Variants in KCTD8 observed in about 807,000 individuals in gnomAD.
KCTD8 encodes potassium channel tetramerization domain containing 8, also known as BTB/POZ domain-containing protein KCTD8.
A neutral mutation model predicts 31.5 loss-of-function variants in KCTD8; 27 were observed. The observed-to-expected ratio is 0.86, with a 90% CI of 0.63 to 1.18. The LOEUF (loss-of-function observed/expected upper bound fraction) is 1.18, where lower values mean the gene tolerates loss of function less well. Ranked by LOEUF, KCTD8 falls within the 50% of genes most tolerant of loss-of-function variation. The probability of loss-of-function intolerance (pLI) is 0.00; values close to 1 mark genes in which losing one functional copy is unlikely to be tolerated. For missense variants in KCTD8, 658 were observed against 647.7 expected, an observed-to-expected ratio of 1.02 and a Z score of -0.17; for synonymous variants, 290 against 280.0, an observed-to-expected ratio of 1.04 and a Z score of -0.36.
At chr4:44,180,537 G>A (rs1713347967) in intron 1 of KCTD8, among the ~76,000 whole-genome samples, 1 of 151,214 alleles carries the variant, frequency 6.6e-6, no homozygotes, top group African/African-American at 2.4e-5. Context: ...CAGCTACCTA[G>A]GTCATGCCTC....
intron 1 of KCTD8, among the ~76,000 whole-genome samples, chr4:44,431,805 T>C (rs531593188): frequency 2.6e-5 from 4 of 151,714 alleles, no homozygotes; most frequent in Admixed American, 2.6e-4. Context: ...ATTACTGTAT[T>C]GATTCTGTTA....
At chr4:44,222,285 C>A (rs1227189439) in intron 1 of KCTD8, among the ~76,000 whole-genome samples, 1 of 152,120 alleles carries the variant, frequency 6.6e-6, no homozygotes, top group Non-Finnish European at 1.5e-5. Flanking sequence ...ATACATCAGC[C>A]AGACTGGCAG....
intron 1 of KCTD8, among the ~76,000 whole-genome samples, chr4:44,382,779 CT>C (rs1688683421): frequency 6.6e-6 from 1 of 150,956 alleles, no homozygotes; most frequent in Non-Finnish European, 1.5e-5. Flanking sequence ...ACTGTCATCA[CT>C]ATTGTTCAAT....
chr4:44,410,677 G>A (rs939272604), intron 1 of KCTD8, among the ~76,000 whole-genome samples: 2 of 152,104 alleles, frequency 1.3e-5, no homozygotes, highest in African/African-American at 2.4e-5. Context: ...CATGTCTTAT[G>A]TGGATGATGG....
rs188801365 is a variant in KCTD8 at position 44,363,915 on chromosome 4, T to C, written c.961+83648A>G. Among the ~76,000 whole-genome samples the C allele has an allele frequency of 1.3e-3, 193 of 152,160 alleles. 1 individual carries two copies. The highest frequency in any genetic ancestry group is 0.012 in the Admixed American group (178 of 15,258). On this transcript the variant is annotated intron_variant, in intron 1 of 1. Coordinates refer to ENST00000360029, the MANE Select transcript of KCTD8 (RefSeq NM_198353.3). ...AAAGAAAAATTAATTTAAACATAGATCTTATACCTTTAACCAAAAAATCAA... is the reference window on the plus strand; with the variant it reads ...AAAGAAAAATTAATTTAAACATAGACCTTATACCTTTAACCAAAAAATCAA...
chr4:44,421,789 T>C (rs1721218642), intron 1 of KCTD8, among the ~76,000 whole-genome samples: 1 of 152,112 alleles, frequency 6.6e-6, no homozygotes, highest in South Asian at 2.1e-4. Context: ...GCAACATCTG[T>C]TTCTGATGTT....
intron 1 of KCTD8, among the ~76,000 whole-genome samples, chr4:44,306,235 G>A (rs1717800355): frequency 6.6e-6 from 1 of 151,966 alleles, no homozygotes; most frequent in Non-Finnish European, 1.5e-5. Flanking sequence ...GTTAAAAAGA[G>A]ATAAATAAAT....
Position 44,204,241 on chromosome 4 carries a change from A to G in KCTD8, c.962-28991T>C, listed in dbSNP as rs113423605. ...GAAGTATCAGAAGTATTTCCATTTA[A>G]GGTAGGAGACCACCCCTCATATTGT... On this transcript the variant is annotated intron_variant, in intron 1 of 1. Transcript: ENST00000360029. Among the ~76,000 whole-genome samples, 1,372 of 152,290 alleles carry G rather than the reference A, an allele frequency of 9.0e-3. 20 individuals carry two copies. The highest frequency in any genetic ancestry group is 0.031 in the African/African-American group (1,285 of 41,550).
intron 1 of KCTD8, among the ~76,000 whole-genome samples, chr4:44,421,642 T>C (rs1721214545): frequency 6.6e-6 from 1 of 152,134 alleles, no homozygotes; most frequent in Non-Finnish European, 1.5e-5. Context: ...TATTAGGCTT[T>C]GGAGAGCCCT....
intron 1 of KCTD8, among the ~76,000 whole-genome samples, chr4:44,245,147 TA>T (rs779825894): frequency 2.6e-5 from 4 of 152,072 alleles, no homozygotes; most frequent in African/African-American, 4.8e-5. Flanking sequence ...TCAAAGTCTA[TA>T]AAACACATCC....
At chr4:44,423,935 C>T (rs1042795517) in intron 1 of KCTD8, among the ~76,000 whole-genome samples, 4 of 152,036 alleles carry the variant, frequency 2.6e-5, no homozygotes, top group Non-Finnish European at 4.4e-5. Context: ...AGACAGCTTA[C>T]ACATTTTCAG....
chr4:44,329,227 TTA>T (rs1486979254), intron 1 of KCTD8, among the ~76,000 whole-genome samples: 1 of 151,700 alleles, frequency 6.6e-6, no homozygotes. Context: ...TCTGTTATAT[TTA>T]AAACATGCTG....
At chr4:44,342,144 G>A (rs1718917930) in intron 1 of KCTD8, among the ~76,000 whole-genome samples, 1 of 152,096 alleles carries the variant, frequency 6.6e-6, no homozygotes, top group African/African-American at 2.4e-5. Context: ...GGCCAAGGCA[G>A]GCAGATCACA....
intron 1 of KCTD8, 128 bp from the exon 2 acceptor site, chr4:44,175,378 T>A: frequency 1.7e-6 from 1 of 592,982 alleles, no homozygotes; most frequent in Non-Finnish European, 2.8e-6. Context: ...ATGGTGCATA[T>A]TGTACTAGTC....
chr4:44,235,562 TATATATATATATA>T (rs1560402091), intron 1 of KCTD8, among the ~76,000 whole-genome samples: 85 of 52,986 alleles, frequency 1.6e-3, no homozygotes, highest in African/African-American at 7.0e-3. Flanking sequence ...TATATATATA[TATATATATATATA>T]TTTAGAGAGA....
chr4:44,430,821 C>T (rs141148228), intron 1 of KCTD8, among the ~76,000 whole-genome samples: 284 of 151,778 alleles, frequency 1.9e-3, no homozygotes, highest in African/African-American at 6.6e-3. Flanking sequence ...TAGGCACTAA[C>T]CACTGAAGCA....
chr4:44,386,538 C>G (rs1261248576), intron 1 of KCTD8, among the ~76,000 whole-genome samples: 1 of 151,406 alleles, frequency 6.6e-6, no homozygotes, highest in Admixed American at 6.6e-5. Flanking sequence ...CAAATTAAAA[C>G]TACAATGAGA....
intron 1 of KCTD8, among the ~76,000 whole-genome samples, chr4:44,218,199 T>A (rs1048155905): frequency 7.3e-6 from 1 of 136,136 alleles, no homozygotes; most frequent in Non-Finnish European, 1.5e-5. Context: ...GGTGGCGCAA[T>A]CTCGGCTCAC....
At position 44,209,365 on chromosome 4, in the gene KCTD8, C is replaced by T. The variant is rs1438178679; in HGVS notation, c.962-34115G>A. Among the ~76,000 whole-genome samples, 4 of 152,234 alleles carry T rather than the reference C, an allele frequency of 2.6e-5. No homozygotes were observed. The South Asian group carries it at 6.2e-4, about 24-fold the overall frequency. On this transcript the variant is annotated intron_variant, in intron 1 of 1. Coordinates refer to ENST00000360029, the MANE Select transcript of KCTD8 (RefSeq NM_198353.3). ...ATCTCTTTTATTTCACCCTATTGAA[C>T]TAGTAAACATTTTACTTTATAGAGT...
Sources: allele counts gnomAD v4.1 joint callset (sites outside exome capture counted in the v4.1 genomes callset), GRCh38; gene constraint gnomAD v4.1.1; transcripts MANE v1.5; gene names NCBI Gene and HGNC (gene_info 2026-07-23, HGNC 2026-07-21).